Variants in SPOCK1 observed in about 807,000 individuals in gnomAD.
SPOCK1 encodes the protein SPARC (osteonectin), cwcv and kazal like domains proteoglycan 1.
Under a neutral mutation model 55.3 loss-of-function variants are expected in SPOCK1, and 23 were observed. The observed-to-expected ratio is 0.42, with a 90% CI of 0.30 to 0.59. SPOCK1 has a LOEUF of 0.59. Ranked by LOEUF, SPOCK1 falls within the 20% of genes least tolerant of loss-of-function variation. SPOCK1 has a pLI of 0.22. For synonymous variants in SPOCK1, 226 were observed against 221.0 expected (o/e 1.02, Z -0.20); for missense variants, 499 against 552.5 (o/e 0.90, Z 0.97).
intron 4 of SPOCK1, among the ~76,000 whole-genome samples, chr5:137,128,373 C>T (rs761561563): frequency 3.3e-5 from 5 of 152,302 alleles, no homozygotes; most frequent in East Asian, 1.9e-4. Flanking sequence ...AATAGCAGGA[C>T]GCTTTGCACA....
chr5:137,201,838 T>A (rs529384114), intron 3 of SPOCK1, among the ~76,000 whole-genome samples: 1 of 152,220 alleles, frequency 6.6e-6, no homozygotes, highest in African/African-American at 2.4e-5. Context: ...CTGAGGGGCC[T>A]ATACTAAAAA....
chr5:137,163,111 T>C (rs1580784817), intron 3 of SPOCK1, among the ~76,000 whole-genome samples: 1 of 152,074 alleles, frequency 6.6e-6, no homozygotes, highest in Admixed American at 6.6e-5. Context: ...GAAACATTGC[T>C]CCAAAAACTA....
intron 3 of SPOCK1, among the ~76,000 whole-genome samples, chr5:137,184,787 C>A (rs143909537): frequency 1.3e-5 from 2 of 152,214 alleles, no homozygotes; most frequent in Non-Finnish European, 2.9e-5. Context: ...CTGTTCCCCA[C>A]CCTCAATGCC....
intron 6 of SPOCK1, among the ~76,000 whole-genome samples, chr5:137,053,951 C>G (rs1005805586): frequency 5.3e-5 from 8 of 152,192 alleles, no homozygotes; most frequent in African/African-American, 1.7e-4. Context: ...GGCTAGACAA[C>G]TAACAGTGTC....
intron 3 of SPOCK1, among the ~76,000 whole-genome samples, chr5:137,217,224 C>T (rs1239449433): frequency 6.6e-6 from 1 of 152,224 alleles, no homozygotes; most frequent in Non-Finnish European, 1.5e-5. Flanking sequence ...CAAAGCAGCA[C>T]TTTGCTTCTA....
rs147856794 is a variant in SPOCK1 at position 137,063,710 on chromosome 5, A to G, written c.589+4005T>C. On this transcript the variant is annotated intron_variant, in intron 6 of 10. Transcript: ENST00000394945. The stretch of plus-strand genomic sequence containing the variant: ...CCCAGTTCTGGACCCTAGGTTGGGA[A>G]GAGGTGATTCTGAAACCTGAGACAG... Among the ~76,000 whole-genome samples the G allele has an allele frequency of 3.6e-3, 552 of 152,324 alleles. 9 individuals are homozygous for G. The South Asian group carries it at 0.047, about 13-fold the overall frequency.
At chr5:137,069,209 T>C (rs1350293097) in intron 5 of SPOCK1, among the ~76,000 whole-genome samples, 1 of 152,240 alleles carries the variant, frequency 6.6e-6, no homozygotes, top group Non-Finnish European at 1.5e-5. Flanking sequence ...ACTTTAAACC[T>C]GGTTCTAATG....
intron 2 of SPOCK1, among the ~76,000 whole-genome samples, chr5:137,283,630 A>C (rs1757208023): frequency 6.6e-6 from 1 of 152,036 alleles, no homozygotes; most frequent in African/African-American, 2.4e-5. Flanking sequence ...CAGGAGAATC[A>C]CTTGAACCCA....
rs369052979 is a variant in SPOCK1 at position 137,254,238 on chromosome 5, G to A, written c.232+12772C>T. 6.6e-5 allele frequency among the ~76,000 whole-genome samples: 10 copies of A among 152,136 alleles called. 1 individual carries two copies. The highest frequency in any genetic ancestry group is 2.6e-4 in the Admixed American group (4 of 15,278). On this transcript the variant is annotated intron_variant, in intron 3 of 10. Transcript: ENST00000394945. Reference sequence around the variant, plus strand: ...ATAATTTTATCTTAGCAGGGTCACCGCAAAGAGATGTGGCTTAAAATTAGG... The same window carrying A: ...ATAATTTTATCTTAGCAGGGTCACCACAAAGAGATGTGGCTTAAAATTAGG...
intron 3 of SPOCK1, among the ~76,000 whole-genome samples, chr5:137,261,416 T>C (rs1010854186): frequency 4.6e-5 from 7 of 152,174 alleles, no homozygotes; most frequent in Admixed American, 6.5e-5. Context: ...CTCCCTCCTT[T>C]TGAGTTTTAG....
intron 2 of SPOCK1, among the ~76,000 whole-genome samples, chr5:137,292,641 C>T (rs1440991413): frequency 2.0e-5 from 3 of 152,026 alleles, no homozygotes; most frequent in South Asian, 2.1e-4. Flanking sequence ...ATCTCTACAG[C>T]GTAATGCACT....
chr5:137,463,865 T>G lies in SPOCK1; in HGVS notation c.186+34508A>C, dbSNP rs138447835. 1.4e-3 allele frequency among the ~76,000 whole-genome samples: 208 copies of G among 152,234 alleles called. 1 individual carries two copies. Among genetic ancestry groups the G allele is most frequent in the African/African-American group, 4.8e-3 (198 of 41,530 alleles). On this transcript the variant is annotated intron_variant, in intron 2 of 10. Transcript: ENST00000394945. ...CCGGAGACTGAGGCAAGAGAATCACTTGAACTCGGGATGCAGAGGTTGGAG... is the reference window on the plus strand; with the variant it reads ...CCGGAGACTGAGGCAAGAGAATCACGTGAACTCGGGATGCAGAGGTTGGAG...
intron 6 of SPOCK1, among the ~76,000 whole-genome samples, chr5:137,060,682 A>G (rs1580730211): frequency 6.6e-6 from 1 of 152,024 alleles, no homozygotes; most frequent in Non-Finnish European, 1.5e-5. Flanking sequence ...TGGGCAAACT[A>G]TCAAAGCCAT....
At chr5:137,232,023 A>C (rs1411361354) in intron 3 of SPOCK1, among the ~76,000 whole-genome samples, 20 of 152,110 alleles carry the variant, frequency 1.3e-4, no homozygotes, top group Admixed American at 1.3e-3. Flanking sequence ...ATGTCTCTTC[A>C]TATCTTTTAC....
intron 4 of SPOCK1, among the ~76,000 whole-genome samples, chr5:137,125,692 G>A (rs1753771668): frequency 6.6e-6 from 1 of 152,166 alleles, no homozygotes; most frequent in African/African-American, 2.4e-5. Flanking sequence ...TTGTTTATCA[G>A]GCAGTTTATG....
intron 2 of SPOCK1, among the ~76,000 whole-genome samples, chr5:137,447,561 A>C (rs1020197647): frequency 6.6e-6 from 1 of 152,192 alleles, no homozygotes; most frequent in Non-Finnish European, 1.5e-5. Context: ...CACAAGTAAA[A>C]AGCAAAGCTT....
chr5:137,427,810 G>A (rs1173431179), intron 2 of SPOCK1, among the ~76,000 whole-genome samples: 1 of 151,656 alleles, frequency 6.6e-6, no homozygotes, highest in Non-Finnish European at 1.5e-5. Context: ...TCGGTAGGCT[G>A]AGGCAGGAGA....
At chr5:137,068,359 G>C (rs1392395817) in intron 5 of SPOCK1, among the ~76,000 whole-genome samples, 1 of 152,142 alleles carries the variant, frequency 6.6e-6, no homozygotes, top group Non-Finnish European at 1.5e-5. Context: ...TCTTGCTTCC[G>C]TTGTCCAAAA....
chr5:137,267,038 G>C lies in SPOCK1; in HGVS notation c.204C>G (p.Asn68Lys), dbSNP rs764295606. ...GGTCAAAGGGCTTGTTGGGATTCCA[G>C]TTTCTGAAATAATCATCCTATATAA... The part of the protein sequence containing the change: ...NRFRDDDYFR[N>K]WNPNKPFDQA... The change falls in exon 3 of 11, where the codon AAC becomes AAG. Residue 68 changes from asparagine (N) to lysine (K), a missense_variant. Coordinates refer to ENST00000394945, the MANE Select transcript of SPOCK1 (RefSeq NM_004598.4). 1.2e-6 allele frequency: 2 copies of C among 1,612,874 alleles called. No individual in the cohort carries two copies. Among genetic ancestry groups the C allele is most frequent in the Admixed American group, 3.3e-5 (2 of 59,992 alleles).
Sources: gnomAD v4.1 joint callset for allele counts (sites outside exome capture counted in the v4.1 genomes callset) on GRCh38, gnomAD v4.1.1 for gene constraint, MANE v1.5 for transcripts, NCBI Gene and HGNC (gene_info 2026-07-23, HGNC 2026-07-21) for gene names.